Variants in NELL1 observed in about 807,000 individuals in gnomAD.
NELL1 encodes protein kinase C-binding protein NELL1.
Under a neutral mutation model 107.4 loss-of-function variants are expected in NELL1, and 76 were observed. The ratio of observed to expected loss-of-function variants is 0.71; its 90% CI spans 0.59 to 0.86. NELL1 has a LOEUF of 0.86. NELL1 is among the 40% of genes least tolerant of loss of function. The pLI, the probability that NELL1 is intolerant of heterozygous loss-of-function variation, is 0.00. For synonymous variants in NELL1, 353 were observed against 341.2 expected (o/e 1.03, Z -0.38); for missense variants, 1,024 against 1,005.5 (o/e 1.02, Z -0.25).
intron 12 of NELL1, among the ~76,000 whole-genome samples, chr11:21,101,999 C>T (rs959284587): frequency 6.6e-6 from 1 of 152,082 alleles, no homozygotes; most frequent in Non-Finnish European, 1.5e-5. Context: ...ATTACAGGTG[C>T]TTGCCACTGT....
At chr11:20,810,947 A>G (rs1199502862) in intron 3 of NELL1, among the ~76,000 whole-genome samples, 1 of 151,938 alleles carries the variant, frequency 6.6e-6, no homozygotes, top group Non-Finnish European at 1.5e-5. Context: ...CTTTCATTTT[A>G]TAGGCTCTTT....
chr11:20,749,371 C>T (rs1003377320), intron 2 of NELL1, among the ~76,000 whole-genome samples: 8 of 152,056 alleles, frequency 5.3e-5, no homozygotes, highest in South Asian at 2.1e-4. Flanking sequence ...AGGTCAAGGT[C>T]GGTGGATGCT....
chr11:21,432,404 T>C (rs1469524413), intron 15 of NELL1, among the ~76,000 whole-genome samples: 3 of 152,152 alleles, frequency 2.0e-5, no homozygotes, highest in Non-Finnish European at 4.4e-5. Context: ...TTATTGGGTC[T>C]TCAAGCCATT....
chr11:20,820,212 A>AAGGTAACCAC (rs1442145446), intron 3 of NELL1, among the ~76,000 whole-genome samples: 2 of 152,186 alleles, frequency 1.3e-5, no homozygotes, highest in African/African-American at 4.8e-5. Flanking sequence ...AGCCTGACAT[A>AAGGTAACCAC]AGGTAACCAC....
At chr11:21,164,050 G>A (rs780108496) in intron 13 of NELL1, among the ~76,000 whole-genome samples, 1 of 152,164 alleles carries the variant, frequency 6.6e-6, no homozygotes, top group Non-Finnish European at 1.5e-5. Flanking sequence ...GAAGGCAGCA[G>A]TGTGCGAGTC....
chr11:21,432,615 G>A (rs963925985), intron 15 of NELL1, among the ~76,000 whole-genome samples: 1 of 152,112 alleles, frequency 6.6e-6, no homozygotes, highest in African/African-American at 2.4e-5. Context: ...GGATTGTCAC[G>A]GGATTGGATC....
intron 15 of NELL1, among the ~76,000 whole-genome samples, chr11:21,524,548 G>A (rs1348565862): frequency 6.6e-6 from 1 of 152,054 alleles, no homozygotes; most frequent in Non-Finnish European, 1.5e-5. Flanking sequence ...CACTTGCAGG[G>A]CGGGAAGCCT....
chr11:21,046,137 A>G (rs964093323), intron 12 of NELL1, among the ~76,000 whole-genome samples: 1 of 152,184 alleles, frequency 6.6e-6, no homozygotes, highest in African/African-American at 2.4e-5. Context: ...AGTCTCTGTA[A>G]GGTATAGACC....
chr11:20,816,950 T>C (rs2134019831), intron 3 of NELL1, among the ~76,000 whole-genome samples: 1 of 152,330 alleles, frequency 6.6e-6, no homozygotes, highest in Middle Eastern at 3.4e-3. Context: ...CATTTGTTGA[T>C]TTGCATGCAT....
intron 15 of NELL1, among the ~76,000 whole-genome samples, chr11:21,522,610 G>T (rs1008752981): frequency 2.6e-5 from 4 of 151,708 alleles, no homozygotes; most frequent in African/African-American, 9.7e-5. Flanking sequence ...TACTTAACTG[G>T]GTACATGTAC....
intron 13 of NELL1, among the ~76,000 whole-genome samples, chr11:21,224,129 G>T (rs1162261816): frequency 6.6e-6 from 1 of 152,086 alleles, no homozygotes; most frequent in Non-Finnish European, 1.5e-5. Context: ...TGACTATAAT[G>T]TGCCTTGGCA....
chr11:21,030,622 A>ATTTTTTTTTTTTTTTTTTTT (rs201033870), intron 12 of NELL1, among the ~76,000 whole-genome samples: 1 of 120,124 alleles, frequency 8.3e-6, no homozygotes, highest in Non-Finnish European at 1.8e-5. Flanking sequence ...ATTTTCTTGT[A>ATTTTTTTTTTTTTTTTTTTT]TTTTTTTTTT....
chr11:20,864,297 T>G (rs1849054695), intron 4 of NELL1, among the ~76,000 whole-genome samples: 1 of 152,232 alleles, frequency 6.6e-6, no homozygotes, highest in Non-Finnish European at 1.5e-5. Flanking sequence ...TCTCACATAG[T>G]AATAAATTTT....
intron 15 of NELL1, among the ~76,000 whole-genome samples, chr11:21,522,095 A>G (rs1374935246): frequency 6.6e-6 from 1 of 152,060 alleles, no homozygotes; most frequent in Non-Finnish European, 1.5e-5. Context: ...CCATTATATC[A>G]AAAAGATACC....
chr11:21,206,056 A>G (rs1857383114), intron 13 of NELL1, among the ~76,000 whole-genome samples: 3 of 152,178 alleles, frequency 2.0e-5, no homozygotes, highest in Admixed American at 6.5e-5. Flanking sequence ...AAATTTGATT[A>G]TAATATTTTC....
At chr11:20,913,907 G>A (rs942812623) in intron 5 of NELL1, among the ~76,000 whole-genome samples, 1 of 152,036 alleles carries the variant, frequency 6.6e-6, no homozygotes, top group African/African-American at 2.4e-5. Context: ...TTCTAGCACT[G>A]AAAAACTGTC....
intron 14 of NELL1, among the ~76,000 whole-genome samples, chr11:21,345,431 A>G (rs1178612888): frequency 1.3e-5 from 2 of 152,186 alleles, no homozygotes; most frequent in South Asian, 2.1e-4. Flanking sequence ...TTGCATATCC[A>G]TATCTTATTT....
At chr11:21,314,110 C>T (rs1849818659) in intron 14 of NELL1, among the ~76,000 whole-genome samples, 1 of 147,916 alleles carries the variant, frequency 6.8e-6, no homozygotes, top group Non-Finnish European at 1.5e-5. Context: ...GGAGCAGATG[C>T]TGCTGTGCTT....
At chr11:21,436,864 A>G (rs1048007592) in intron 15 of NELL1, among the ~76,000 whole-genome samples, 1 of 151,832 alleles carries the variant, frequency 6.6e-6, no homozygotes, top group Non-Finnish European at 1.5e-5. Flanking sequence ...TAATTTTTTC[A>G]CTGAGCCACT....
Sources: gnomAD v4.1 joint callset for allele counts (sites outside exome capture counted in the v4.1 genomes callset) on GRCh38, gnomAD v4.1.1 for gene constraint, MANE v1.5 for transcripts, NCBI Gene and HGNC (gene_info 2026-07-23, HGNC 2026-07-21) for gene names.